The following PCDHGB7 variants were observed in gnomAD, a reference collection of about 807,000 sequenced individuals.
PCDHGB7 encodes the protein protocadherin gamma subfamily B, 7, also known as protocadherin gamma-B7.
A neutral mutation model predicts 61.4 loss-of-function variants in PCDHGB7; 37 were observed. The ratio of observed to expected loss-of-function variants is 0.60; its 90% confidence interval spans 0.46 to 0.79. PCDHGB7 has a LOEUF of 0.79. PCDHGB7 is among the 30% of genes least tolerant of loss of function. PCDHGB7 has a pLI of 0.00. For synonymous variants in PCDHGB7, 464 were observed against 503.5 expected, an observed-to-expected ratio of 0.92 and a Z score of 1.05; for missense variants, 1,166 against 1,202.5, an observed-to-expected ratio of 0.97 and a Z score of 0.45.
At chr5:141,427,615 A>G (rs1428096450) in intron 1 of PCDHGB7, 2 of 693,732 alleles carry the variant, frequency 2.9e-6, no homozygotes, top group Non-Finnish European at 5.3e-6. Context: ...GGTGAAGTCA[A>G]CGACAATGCT....
chr5:141,429,631 G>A (rs1272926056), intron 1 of PCDHGB7, among the ~76,000 whole-genome samples: 1 of 152,132 alleles, frequency 6.6e-6, no homozygotes, highest in Non-Finnish European at 1.5e-5. Context: ...TTTTCTCACA[G>A]CTACCTATAT....
chr5:141,446,771 A>G (rs1008985621), intron 1 of PCDHGB7, among the ~76,000 whole-genome samples: 3 of 152,158 alleles, frequency 2.0e-5, no homozygotes, highest in Admixed American at 2.0e-4. Flanking sequence ...CCAGCCGGTT[A>G]CCATTCTTTT....
At chr5:141,451,019 G>A (rs1348607593) in intron 1 of PCDHGB7, among the ~76,000 whole-genome samples, 7 of 151,274 alleles carry the variant, frequency 4.6e-5, no homozygotes, top group Admixed American at 2.0e-4. Context: ...TAGTAGAGAC[G>A]AGGTTTCACC....
In PCDHGB7 at chr5:141,486,565, T is replaced by C; in HGVS notation, c.2416-8242T>C. ...TTCAGAGGTCACATGAGGTGTTTGT[T>C]CCTGAGAACAATCGCCCAGGGGACC... On this transcript the variant is annotated intron_variant, in intron 1 of 3. Coordinates refer to ENST00000398594, the MANE Select transcript of PCDHGB7 (RefSeq NM_018927.4). The surrounding 1 kb of genome is among the most constrained non-coding windows in gnomAD (Gnocchi z 5.0). 6.2e-7 allele frequency: 1 copy of C among 1,614,024 alleles called. No homozygotes were observed. Among genetic ancestry groups the C allele is most frequent in the Non-Finnish European group, 8.5e-7 (1 of 1,180,032 alleles).
intron 1 of PCDHGB7, chr5:141,441,973 C>T (rs1457832429): frequency 6.7e-6 from 2 of 296,542 alleles, no homozygotes; most frequent in Admixed American, 4.4e-5. Context: ...GCTCTTCAGC[C>T]TGGAATGCGC....
chr5:141,431,527 C>T lies in PCDHGB7; in HGVS notation c.2415+11253C>T. The T allele has an allele frequency of 1.2e-6, 2 of 1,614,086 alleles. No homozygotes were observed. The highest frequency in any genetic ancestry group is 2.2e-5 in the East Asian group (1 of 44,888). ...GCGCGAGCGTTCCGGAGAATCTGGC[C>T]TTGGGCACGCAGCTGCTTGTAGTCA... On this transcript the variant is annotated intron_variant, in intron 1 of 3. Coordinates refer to ENST00000398594, the MANE Select transcript of PCDHGB7 (RefSeq NM_018927.4). This position sits in a 1 kb window ranked among gnomAD's most constrained non-coding sequence, Gnocchi z 4.8.
intron 1 of PCDHGB7, 124 bp from the exon 2 acceptor site, chr5:141,494,683 C>G: frequency 6.4e-7 from 1 of 1,569,074 alleles, no homozygotes; most frequent in Non-Finnish European, 8.7e-7. Context: ...CCCCTGCCCC[C>G]TCTTAGTCCG....
At chr5:141,505,352 C>CG in intron 2 of PCDHGB7, 41 bp from the exon 3 acceptor site, 1 of 1,613,302 alleles carries the variant, frequency 6.2e-7, no homozygotes, top group East Asian at 2.2e-5. Context: ...TGAGCTGTGC[C>CG]GGCCTGGGAG....
chr5:141,427,995 G>C (rs1292989797), intron 1 of PCDHGB7: 2 of 1,599,590 alleles, frequency 1.3e-6, no homozygotes, highest in African/African-American at 2.7e-5. Flanking sequence ...CGATGGCTCC[G>C]CACTCTTCGA....
At position 141,448,827 on chromosome 5, in the gene PCDHGB7, C is replaced by T. The variant is rs540550537; in HGVS notation, c.2415+28553C>T. ...AGGCGTGATGGCGGGCGCCTGTAGT[C>T]CCAGCTACTCTGGAGGCTGAGGCAG... On this transcript the variant is annotated intron_variant, in intron 1 of 3. Transcript: ENST00000398594. Among the ~76,000 whole-genome samples the T allele has an allele frequency of 1.6e-4, 25 of 152,108 alleles. No homozygotes were observed. In the South Asian group the frequency reaches 4.2e-3, roughly 25 times the overall value.
chr5:141,426,276 C>A, intron 1 of PCDHGB7: 1 of 164,340 alleles, frequency 6.1e-6, no homozygotes, highest in South Asian at 1.6e-4. Context: ...TGCAGCAACG[C>A]ATGGGAAGGA....
At chr5:141,427,115 C>G (rs1276437779) in intron 1 of PCDHGB7, 5 of 457,520 alleles carry the variant, frequency 1.1e-5, no homozygotes, top group African/African-American at 1.0e-4. Flanking sequence ...AGATCACCTA[C>G]TCTTTCAAAT....
intron 2 of PCDHGB7, among the ~76,000 whole-genome samples, chr5:141,502,625 T>G (rs2099815384): frequency 6.6e-6 from 1 of 152,210 alleles, no homozygotes; most frequent in Admixed American, 6.5e-5. Context: ...ATAAGTAATC[T>G]GTGGATGATA....
At position 141,487,943 on chromosome 5, in the gene PCDHGB7, A is replaced by C. The variant is rs2099669443; in HGVS notation, c.2416-6864A>C. ...TACAGTGCACAGGGTACAGTGCACCAGGCAGTCACTTGGACAAAGGTGGCT... is the reference window on the plus strand; with the variant it reads ...TACAGTGCACAGGGTACAGTGCACCCGGCAGTCACTTGGACAAAGGTGGCT... On this transcript the variant is annotated intron_variant, in intron 1 of 3. Coordinates refer to ENST00000398594, the MANE Select transcript of PCDHGB7 (RefSeq NM_018927.4). The surrounding 1 kb of genome is among the most constrained non-coding windows in gnomAD (Gnocchi z 5.0). Among the ~76,000 whole-genome samples, 1 of 152,220 alleles carries C rather than the reference A, an allele frequency of 6.6e-6. No homozygotes were observed.
chr5:141,456,178 A>G (rs1216202318), intron 1 of PCDHGB7, among the ~76,000 whole-genome samples: 1 of 151,926 alleles, frequency 6.6e-6, no homozygotes, highest in African/African-American at 2.4e-5. Context: ...ATTACAGAAT[A>G]ATTTCTTAAT....
intron 1 of PCDHGB7, among the ~76,000 whole-genome samples, chr5:141,453,673 AC>A (rs1459216908): frequency 6.6e-6 from 1 of 152,230 alleles, no homozygotes; most frequent in African/African-American, 2.4e-5. Flanking sequence ...ACAAAAGGTA[AC>A]ACACTATGTA....
intron 1 of PCDHGB7, among the ~76,000 whole-genome samples, chr5:141,436,832 C>T (rs1242760381): frequency 6.6e-6 from 1 of 152,172 alleles, no homozygotes; most frequent in African/African-American, 2.4e-5. Flanking sequence ...ATCTTAAGTG[C>T]CTAGGCACAT....
intron 1 of PCDHGB7, among the ~76,000 whole-genome samples, chr5:141,459,949 G>T (rs1284876601): frequency 2.0e-5 from 3 of 152,124 alleles, no homozygotes; most frequent in Non-Finnish European, 4.4e-5. Context: ...GTGATGGCAG[G>T]TGCCTGTAAT....
At chr5:141,450,729 C>T (rs370122389) in intron 1 of PCDHGB7, among the ~76,000 whole-genome samples, 3 of 152,048 alleles carry the variant, frequency 2.0e-5, no homozygotes, top group Non-Finnish European at 2.9e-5. Context: ...TCAGGTGATC[C>T]GCCCGCCTTG....
Sources: allele counts gnomAD v4.1 joint callset (sites outside exome capture counted in the v4.1 genomes callset), GRCh38; gene constraint gnomAD v4.1.1; non-coding constraint Gnocchi (gnomAD v3.1); transcripts MANE v1.5; gene names NCBI Gene and HGNC (gene_info 2026-07-23, HGNC 2026-07-21).